Variants in COL26A1 observed in about 807,000 individuals in gnomAD.
COL26A1 encodes the protein collagen type XXVI alpha 1 chain, also known as collagen alpha-1(XXVI) chain.
In COL26A1, 41 loss-of-function variants were observed where a neutral mutation model predicts 59.3. That is an observed-to-expected ratio of 0.69 (90% confidence interval 0.54 to 0.90). The LOEUF is 0.90. Among genes scored for constraint, COL26A1 ranks in the 40% least tolerant of loss-of-function variants. The probability of loss-of-function intolerance (pLI) is 0.00; values close to 1 mark genes in which losing one functional copy is unlikely to be tolerated. For synonymous variants in COL26A1, 266 were observed against 256.0 expected, an observed-to-expected ratio of 1.04 and a Z score of -0.37; for missense variants, 612 against 602.3, an observed-to-expected ratio of 1.02 and a Z score of -0.17.
At chr7:101,518,586 G>A (rs1795078716) in intron 3 of COL26A1, among the ~76,000 whole-genome samples, 1 of 152,178 alleles carries the variant, frequency 6.6e-6, no homozygotes, top group African/African-American at 2.4e-5. Context: ...GCGGGGCCCT[G>A]GAGTTATTTA....
chr7:101,457,876 G>C (rs927615403), intron 3 of COL26A1, among the ~76,000 whole-genome samples: 7 of 150,076 alleles, frequency 4.7e-5, no homozygotes, highest in Non-Finnish European at 8.9e-5. Flanking sequence ...CATTTTGCTA[G>C]GTTGTGGTAT....
rs183572132 is a variant in COL26A1 at position 101,382,336 on chromosome 7, G to A, written c.158+19146G>A. ...ACTGGGATTACAGGTATGAGCCATC[G>A]TACCTGGCTCTGTTTCTCCATAGGC... On this transcript the variant is annotated intron_variant, in intron 1 of 12. Coordinates refer to ENST00000313669, the MANE Select transcript of COL26A1 (RefSeq NM_001278563.3). Among the ~76,000 whole-genome samples the A allele has an allele frequency of 8.3e-4, 126 of 152,246 alleles. 1 individual carries two copies. Among genetic ancestry groups the A allele is most frequent in the Non-Finnish European group, 8.8e-5 (6 of 68,012 alleles).
intron 1 of COL26A1, among the ~76,000 whole-genome samples, chr7:101,395,786 C>T (rs112203654): frequency 3.3e-5 from 5 of 152,228 alleles, no homozygotes; most frequent in South Asian, 4.1e-4. Context: ...CTTTAATCAC[C>T]GCTGAAAACA....
chr7:101,502,077 CG>C (rs1436646607), intron 3 of COL26A1, among the ~76,000 whole-genome samples: 3 of 152,212 alleles, frequency 2.0e-5, no homozygotes. Flanking sequence ...AGGCCGGGTG[CG>C]GTGGCTGACG....
rs1333340247 is a variant in COL26A1, at chr7:101,386,267, T to G, written c.158+23077T>G. The stretch of plus-strand genomic sequence containing the variant: ...GTCCTGTCCTAGCTTGTTTTTTTTT[T>G]TTTTTTTTTTTTTAATTTTTTGAGA... On this transcript the variant is annotated intron_variant, in intron 1 of 12. Coordinates refer to ENST00000313669, the MANE Select transcript of COL26A1 (RefSeq NM_001278563.3). Among the ~76,000 whole-genome samples, 6 of 138,290 alleles carry G rather than the reference T, an allele frequency of 4.3e-5. No homozygotes were observed. The South Asian group carries it at 7.1e-4, about 16-fold the overall frequency. 90.7% of individuals were successfully genotyped at this position (138,290 alleles called of 152,430 possible).
At chr7:101,489,128 C>G (rs1429606514) in intron 3 of COL26A1, among the ~76,000 whole-genome samples, 1 of 152,060 alleles carries the variant, frequency 6.6e-6, no homozygotes. Flanking sequence ...TAAATAAAAT[C>G]TTTGACACAT....
At chr7:101,450,164 AAG>A (rs1370601390) in intron 3 of COL26A1, among the ~76,000 whole-genome samples, 1 of 151,268 alleles carries the variant, frequency 6.6e-6, no homozygotes, top group Non-Finnish European at 1.5e-5. Flanking sequence ...TGAGCTAGGG[AAG>A]AGACACATGG....
intron 2 of COL26A1, among the ~76,000 whole-genome samples, chr7:101,445,848 G>C (rs1014155621): frequency 2.0e-5 from 3 of 151,018 alleles, no homozygotes; most frequent in Admixed American, 6.6e-5. Context: ...AGGAGATCAA[G>C]AGCATCCTGG....
chr7:101,538,861 C>T (rs1227408225), intron 4 of COL26A1, among the ~76,000 whole-genome samples: 1 of 152,228 alleles, frequency 6.6e-6, no homozygotes, highest in African/African-American at 2.4e-5. Flanking sequence ...GGCAGACCAT[C>T]TGCCTGTGCA....
At chr7:101,545,629 G>A in intron 7 of COL26A1, 139 bp downstream of exon 7, 1 of 865,476 alleles carries the variant, frequency 1.2e-6, no homozygotes, top group Non-Finnish European at 1.7e-6. Context: ...CACTCCTGCA[G>A]GCCTCCTCCA....
At chr7:101,508,517 C>CAAAAAA (rs58872805) in intron 3 of COL26A1, among the ~76,000 whole-genome samples, 29,464 of 126,008 alleles carry the variant, frequency 0.23, 4,831 homozygotes, top group African/African-American at 0.5. Context: ...AAAACCCTGT[C>CAAAAAA]AAAAAAAAAA....
chr7:101,545,231 C>T, intron 6 of COL26A1, 107 bp from the exon 7 acceptor site: 2 of 1,045,218 alleles, frequency 1.9e-6, no homozygotes, highest in South Asian at 1.8e-5. Context: ...TGCCTGTGGG[C>T]CCCTGACCAA....
intron 3 of COL26A1, among the ~76,000 whole-genome samples, chr7:101,503,002 C>G (rs368918022): frequency 1.3e-3 from 197 of 152,266 alleles, no homozygotes; most frequent in South Asian, 0.012. Flanking sequence ...CTCTGTGGCT[C>G]CCCAGGGCCC....
Position 101,463,652 on chromosome 7 carries a change from ATCCTTCCATCCTTCCT to A in COL26A1, c.385+15870_385+15885del, listed in dbSNP as rs1208334659. On this transcript the variant is annotated intron_variant, in intron 3 of 12. Coordinates refer to ENST00000313669, the MANE Select transcript of COL26A1 (RefSeq NM_001278563.3). ...CTTCCTTCCTTCCTTCCATCCTTCC[ATCCTTCCATCCTTCCT>A]TCCTCCCTCCCGTCCCCTTTCTTTC... 9.2e-3 allele frequency among the ~76,000 whole-genome samples: 542 copies of A among 58,928 alleles called. 7 individuals are homozygous for A. The highest frequency in any genetic ancestry group is 0.028 in the African/African-American group (494 of 17,428). The allele number at this position is 58,928 out of a possible 152,430, so 38.7% of individuals were successfully genotyped here. A position where few individuals can be genotyped will look rare whatever the true frequency, so the allele number is the denominator to read the frequency against.
At chr7:101,500,390 C>T (rs990459700) in intron 3 of COL26A1, among the ~76,000 whole-genome samples, 9 of 152,190 alleles carry the variant, frequency 5.9e-5, no homozygotes, top group African/African-American at 1.7e-4. Context: ...TCCTTCTGGC[C>T]GTTGCTTATG....
chr7:101,461,739 A>G (rs192248097), intron 3 of COL26A1, among the ~76,000 whole-genome samples: 26 of 152,234 alleles, frequency 1.7e-4, no homozygotes, highest in Non-Finnish European at 2.1e-4. Flanking sequence ...TCACATCCAC[A>G]CTGTGGCTGG....
At chr7:101,492,670 C>G (rs1794487209) in intron 3 of COL26A1, among the ~76,000 whole-genome samples, 1 of 150,198 alleles carries the variant, frequency 6.7e-6, no homozygotes, top group Admixed American at 6.7e-5. Context: ...GCACTCCAGC[C>G]CGGGCAACAG....
chr7:101,486,053 G>C (rs1178709548), intron 3 of COL26A1, among the ~76,000 whole-genome samples: 1 of 151,948 alleles, frequency 6.6e-6, no homozygotes, highest in Non-Finnish European at 1.5e-5. Context: ...GGCACCTGTA[G>C]TCCCAGCTAC....
chr7:101,482,110 G>A (rs571866838), intron 3 of COL26A1, among the ~76,000 whole-genome samples: 191 of 151,684 alleles, frequency 1.3e-3, no homozygotes, highest in Middle Eastern at 0.01. Flanking sequence ...TCTGCCTCCC[G>A]GGTTTAAGCA....
Sources: gnomAD v4.1 joint callset for allele counts (sites outside exome capture counted in the v4.1 genomes callset) on GRCh38, gnomAD v4.1.1 for gene constraint, MANE v1.5 for transcripts, NCBI Gene and HGNC (gene_info 2026-07-23, HGNC 2026-07-21) for gene names.